C2CD3: variants seen among roughly 807,000 people sequenced by gnomAD.
C2CD3 encodes the protein C2 domain containing 3 centriole elongation regulator, also known as C2 domain-containing protein 3.
In C2CD3, 148 loss-of-function variants were observed where a neutral mutation model predicts 234.0. The ratio of observed to expected loss-of-function variants is 0.63; its 90% CI spans 0.55 to 0.72. The LOEUF (loss-of-function observed/expected upper bound fraction) is 0.72. Ranked by LOEUF, C2CD3 falls within the 30% of genes least tolerant of loss-of-function variation. C2CD3 has a pLI of 0.00. For missense variants in C2CD3, 2,577 were observed against 2,811.5 expected, an observed-to-expected ratio of 0.92 and a Z score of 1.89; for synonymous variants, 1,000 against 1,035.4, an observed-to-expected ratio of 0.97 and a Z score of 0.66.
chr11:74,072,805 A>G (rs1265253631), intron 24 of C2CD3, among the ~76,000 whole-genome samples: 1 of 152,202 alleles, frequency 6.6e-6, no homozygotes, highest in Non-Finnish European at 1.5e-5. Flanking sequence ...AAATGAATGC[A>G]TGATGAATGA....
chr11:74,095,312 C>T lies in C2CD3; in HGVS notation c.3076G>A (p.Glu1026Lys). The T allele has an allele frequency of 6.2e-7, 1 of 1,613,398 alleles. No individual in the cohort carries two copies. The highest frequency in any genetic ancestry group is 8.5e-7 in the Non-Finnish European group (1 of 1,179,380). The change falls in exon 17 of 33, where the codon GAA becomes AAA. Residue 1026 changes from glutamate to lysine, a missense_variant. Physicochemically the swap from Glu to Lys is moderately conservative, Grantham distance 56 (BLOSUM62 1). Coordinates refer to ENST00000334126, the MANE Select transcript of C2CD3 (RefSeq NM_001286577.2). ...TAGTACTGGACATAACAATCTGCTTCTCCCCAGACTGTTGCCTGAAGAGGG... is the reference window on the plus strand; with the variant it reads ...TAGTACTGGACATAACAATCTGCTTTTCCCCAGACTGTTGCCTGAAGAGGG... ...LAPLQATVWG[E>K]ADCYVQYYFP...
At chr11:74,023,802 G>A (rs1228314160) in intron 32 of C2CD3, among the ~76,000 whole-genome samples, 1 of 152,106 alleles carries the variant, frequency 6.6e-6, no homozygotes, top group Non-Finnish European at 1.5e-5. Flanking sequence ...TCCAGCCACT[G>A]TCCTATTTCT....
intron 32 of C2CD3, chr11:74,016,867 G>GGCAGGAGGAACACACATGGAA (rs1951899281): frequency 6.6e-6 from 1 of 152,432 alleles, no homozygotes; most frequent in African/African-American, 2.4e-5. Context: ...TTCCTGGGGA[G>GGCAGGAGGAACACACATGGAA]GCAGGAGGAA....
At chr11:74,070,166 A>G (rs1307158651) in intron 24 of C2CD3, among the ~76,000 whole-genome samples, 2 of 152,258 alleles carry the variant, frequency 1.3e-5, no homozygotes, top group Admixed American at 1.3e-4. Context: ...GTCTAATATA[A>G]GTATACAAAC....
At chr11:74,018,005 G>C (rs1951939524) in intron 32 of C2CD3, among the ~76,000 whole-genome samples, 1 of 152,204 alleles carries the variant, frequency 6.6e-6, no homozygotes, top group Non-Finnish European at 1.5e-5. Context: ...TGCAGTGGAA[G>C]GGACACTGGT....
At chr11:74,144,710 T>C (rs1034895563) in intron 3 of C2CD3, among the ~76,000 whole-genome samples, 1 of 152,178 alleles carries the variant, frequency 6.6e-6, no homozygotes, top group Non-Finnish European at 1.5e-5. Flanking sequence ...GGTGCTTGGT[T>C]TTCTGTTCCT....
At chr11:74,041,601 CT>C (rs1460917667) in intron 29 of C2CD3, among the ~76,000 whole-genome samples, 1 of 152,202 alleles carries the variant, frequency 6.6e-6, no homozygotes, top group Non-Finnish European at 1.5e-5. Flanking sequence ...CTGTGCCACA[CT>C]TTTCATTAGA....
Position 74,028,506 on chromosome 11 carries a change from C to T in C2CD3, c.6810-108G>A, listed in dbSNP as rs955360227. On this transcript the variant is annotated intron_variant, in intron 31 of 32. Transcript: ENST00000334126. The stretch of plus-strand genomic sequence containing the variant: ...TCTGCCCCCACTCATGTTTTTCCCT[C>T]AACTATTCTTGTCCATAAATTCTTT... 1.0e-5 allele frequency: 7 copies of T among 694,624 alleles called. No individual in the cohort carries two copies. In the East Asian group the frequency reaches 1.4e-4, roughly 14 times the overall value. 43.0% of individuals were successfully genotyped at this position (694,624 alleles called of 1,614,324 possible).
intron 29 of C2CD3, among the ~76,000 whole-genome samples, chr11:74,038,689 C>T (rs149109464): frequency 1.5e-4 from 23 of 152,342 alleles, no homozygotes; most frequent in Middle Eastern, 3.4e-3. Flanking sequence ...GGTTGCAGCT[C>T]ACATTTCTTC....
At chr11:74,120,545 G>A (rs1323257891) in intron 8 of C2CD3, among the ~76,000 whole-genome samples, 1 of 152,110 alleles carries the variant, frequency 6.6e-6, no homozygotes, top group East Asian at 1.9e-4. Context: ...CATTTGGGTT[G>A]GTTCCAAGGC....
chr11:74,086,884 A>G (rs1383867040), intron 20 of C2CD3, among the ~76,000 whole-genome samples: 1 of 152,110 alleles, frequency 6.6e-6, no homozygotes, highest in African/African-American at 2.4e-5. Context: ...TTCCTGTTAA[A>G]ACCTTACTGT....
intron 19 of C2CD3, among the ~76,000 whole-genome samples, chr11:74,092,032 ATGTG>A (rs1272596588): frequency 6.6e-6 from 1 of 150,792 alleles, no homozygotes; most frequent in Non-Finnish European, 1.5e-5. Flanking sequence ...ATATATATAT[ATGTG>A]TGTGTGTGTG....
rs920353923 is a variant in C2CD3, at chr11:74,061,949, C to CA, written c.4952-4406dup. Among the ~76,000 whole-genome samples the CA allele has an allele frequency of 2.8e-3, 421 of 148,798 alleles. 6 individuals are homozygous for CA. Among genetic ancestry groups the CA allele is most frequent in the Non-Finnish European group, 1.5e-3 (100 of 67,072 alleles). On this transcript the variant is annotated intron_variant, in intron 24 of 32. Transcript: ENST00000334126. ...GAAGATCTACCAAGCAAATGGAAAA[C>CA]AAAAAAAAAGCAGGGGTTGCAATCC...
chr11:74,114,630 T>TA, intron 9 of C2CD3, 37 bp from the exon 10 acceptor site: 1 of 1,299,440 alleles, frequency 7.7e-7, no homozygotes, highest in African/African-American at 1.5e-5. Context: ...GGCATACTGC[T>TA]ACAGGCTTCA....
At chr11:74,093,167 C>G (rs1247067509) in intron 18 of C2CD3, among the ~76,000 whole-genome samples, 1 of 151,336 alleles carries the variant, frequency 6.6e-6, no homozygotes, top group Non-Finnish European at 1.5e-5. Context: ...GTTTCCTTTC[C>G]TCTTATATTT....
intron 32 of C2CD3, among the ~76,000 whole-genome samples, chr11:74,015,900 CAAAA>C (rs553153104): frequency 2.1e-5 from 2 of 93,414 alleles, no homozygotes; most frequent in Non-Finnish European, 2.4e-5. Flanking sequence ...AACCCTGTCT[CAAAA>C]AAAAAAAAAA....
At chr11:74,130,451 C>T (rs1957628724) in intron 7 of C2CD3, among the ~76,000 whole-genome samples, 1 of 151,918 alleles carries the variant, frequency 6.6e-6, no homozygotes, top group Non-Finnish European at 1.5e-5. Flanking sequence ...CCAGGCTGGT[C>T]TCAAACTCCT....
chr11:74,037,007 C>T (rs1262561366), intron 30 of C2CD3, among the ~76,000 whole-genome samples: 1 of 152,202 alleles, frequency 6.6e-6, no homozygotes, highest in East Asian at 1.9e-4. Context: ...CTATGAATCG[C>T]TAACATCCAG....
intron 3 of C2CD3, among the ~76,000 whole-genome samples, chr11:74,146,781 G>C (rs535947500): frequency 6.8e-6 from 1 of 146,020 alleles, no homozygotes; most frequent in Non-Finnish European, 1.5e-5. Context: ...TGCCAGGCGC[G>C]GTGGCTCACG....
Sources: gnomAD v4.1 joint callset for allele counts (sites outside exome capture counted in the v4.1 genomes callset) on GRCh38, gnomAD v4.1.1 for gene constraint, MANE v1.5 for transcripts, NCBI Gene and HGNC (gene_info 2026-07-23, HGNC 2026-07-21) for gene names.